Variants in AUTS2 observed in about 807,000 individuals in gnomAD.
AUTS2 encodes autism susceptibility gene 2 protein.
Under a neutral mutation model 112.4 loss-of-function variants are expected in AUTS2, and 17 were observed. That is an observed-to-expected ratio of 0.15 (90% CI 0.10 to 0.23). The LOEUF (loss-of-function observed/expected upper bound fraction) is 0.23, where lower values mean the gene tolerates loss of function less well. AUTS2 is among the 10% of genes least tolerant of loss of function. The pLI is 1.00. For synonymous variants in AUTS2, 751 were observed against 702.7 expected (o/e 1.07, Z -1.09); for missense variants, 1,510 against 1,701.6 (o/e 0.89, Z 1.98).
chr7:69,870,085 T>G (rs1038266015), intron 1 of AUTS2, among the ~76,000 whole-genome samples: 4 of 152,130 alleles, frequency 2.6e-5, no homozygotes, highest in Non-Finnish European at 4.4e-5. Flanking sequence ...TAACTTCTTT[T>G]TAGAATTCAA....
chr7:70,759,179 T>A (rs1367494174), intron 6 of AUTS2, among the ~76,000 whole-genome samples: 1 of 152,216 alleles, frequency 6.6e-6, no homozygotes, highest in Non-Finnish European at 1.5e-5. Context: ...AGACTTCTGC[T>A]TTTTAGGAGG....
intron 1 of AUTS2, among the ~76,000 whole-genome samples, chr7:69,821,009 A>T (rs1790966182): frequency 6.6e-6 from 1 of 152,176 alleles, no homozygotes; most frequent in African/African-American, 2.4e-5. Context: ...ATAACGTGAG[A>T]TTCTCAAGAG....
At chr7:70,734,069 C>T (rs1787623441) in intron 6 of AUTS2, among the ~76,000 whole-genome samples, 1 of 152,090 alleles carries the variant, frequency 6.6e-6, no homozygotes, top group Non-Finnish European at 1.5e-5. Flanking sequence ...GAGCAAGGGC[C>T]TTGATTCTCA....
At chr7:69,684,247 G>A (rs556265482) in intron 1 of AUTS2, among the ~76,000 whole-genome samples, 2 of 152,292 alleles carry the variant, frequency 1.3e-5, no homozygotes, top group Admixed American at 6.5e-5. Context: ...ATCCACATGT[G>A]AGGTAGACTG....
At chr7:70,741,806 G>A (rs1462795017) in intron 6 of AUTS2, among the ~76,000 whole-genome samples, 2 of 152,178 alleles carry the variant, frequency 1.3e-5, no homozygotes, top group Admixed American at 6.5e-5. Context: ...GGAGCCGGTG[G>A]TTATAGTGGC....
At position 69,811,321 on chromosome 7, in the gene AUTS2, A is replaced by G. The variant is rs959453052; in HGVS notation, c.310-87965A>G. Among the ~76,000 whole-genome samples the G allele has an allele frequency of 6.6e-5, 10 of 152,144 alleles. 1 individual carries two copies. The South Asian group carries it at 1.9e-3, about 29-fold the overall frequency. On this transcript the variant is annotated intron_variant, in intron 1 of 18. Transcript: ENST00000342771. ...TCTGTGGTCACCATATTGCATCACT[A>G]TGAGGTTTAAGATGAATGTGTGGGT...
intron 1 of AUTS2, among the ~76,000 whole-genome samples, chr7:69,857,335 A>T (rs1562931341): frequency 6.6e-6 from 1 of 152,164 alleles, no homozygotes; most frequent in Non-Finnish European, 1.5e-5. Context: ...CTGTTTTGAC[A>T]GTGTCGTACA....
chr7:70,543,849 T>C (rs1800659282), intron 5 of AUTS2, among the ~76,000 whole-genome samples: 1 of 152,216 alleles, frequency 6.6e-6, no homozygotes, highest in South Asian at 2.1e-4. Flanking sequence ...ATCGCCATTT[T>C]CTTTGCCTGG....
intron 4 of AUTS2, among the ~76,000 whole-genome samples, chr7:70,314,346 C>G (rs1455565907): frequency 1.3e-5 from 2 of 152,234 alleles, no homozygotes; most frequent in Non-Finnish European, 2.9e-5. Context: ...GTAATATCCA[C>G]CTGGATGTAA....
At chr7:70,372,481 A>T (rs1405413054) in intron 4 of AUTS2, among the ~76,000 whole-genome samples, 1 of 152,148 alleles carries the variant, frequency 6.6e-6, no homozygotes, top group Non-Finnish European at 1.5e-5. Context: ...GAGTAAATGG[A>T]AGCCTGGCAT....
intron 3 of AUTS2, among the ~76,000 whole-genome samples, chr7:70,129,903 G>A (rs201920098): frequency 2.4e-3 from 196 of 83,300 alleles, no homozygotes; most frequent in African/African-American, 0.011. Context: ...TATATATATT[G>A]TGTGTGTGTG....
intron 2 of AUTS2, among the ~76,000 whole-genome samples, chr7:70,034,733 A>G (rs191246719): frequency 5.8e-4 from 88 of 152,326 alleles, no homozygotes; most frequent in African/African-American, 2.0e-3. Flanking sequence ...TGGATGGATT[A>G]GCTTCCTTGT....
rs143564161 is a variant in AUTS2, at chr7:70,766,730, G to T, written c.1689+396G>T. On this transcript the variant is annotated intron_variant, in intron 9 of 18. Coordinates refer to ENST00000342771, the MANE Select transcript of AUTS2 (RefSeq NM_015570.4). This position sits in a 1 kb window ranked among gnomAD's most constrained non-coding sequence, Gnocchi z 4.8. Reference sequence around the variant, plus strand: ...CACATACATTCTTGCAGGGTAATGGGGGTGAAGAAGAGAGAAGAGAAGGGA... The same window carrying T: ...CACATACATTCTTGCAGGGTAATGGTGGTGAAGAAGAGAGAAGAGAAGGGA... Among the ~76,000 whole-genome samples, 688 of 152,336 alleles carry T rather than the reference G, an allele frequency of 4.5e-3. 7 individuals carry two copies. Among genetic ancestry groups the T allele is most frequent in the African/African-American group, 0.016 (654 of 41,574 alleles).
intron 4 of AUTS2, among the ~76,000 whole-genome samples, chr7:70,245,769 G>T (rs958539596): frequency 1.3e-5 from 2 of 152,022 alleles, no homozygotes; most frequent in Admixed American, 6.6e-5. Flanking sequence ...AGAATTGCTT[G>T]GGTTTAGGGT....
intron 4 of AUTS2, among the ~76,000 whole-genome samples, chr7:70,230,093 T>G (rs1811967610): frequency 6.6e-6 from 1 of 152,092 alleles, no homozygotes; most frequent in Non-Finnish European, 1.5e-5. Flanking sequence ...TCTATTGACT[T>G]TTTTTTCCTT....
chr7:69,617,042 TG>T (rs1793418195), intron 1 of AUTS2, among the ~76,000 whole-genome samples: 1 of 152,066 alleles, frequency 6.6e-6, no homozygotes, highest in Non-Finnish European at 1.5e-5. Flanking sequence ...TAACAAAGGA[TG>T]GGGGGACATA....
chr7:70,380,874 A>AT (rs1181787830), intron 4 of AUTS2, among the ~76,000 whole-genome samples: 1 of 152,266 alleles, frequency 6.6e-6, no homozygotes, highest in Non-Finnish European at 1.5e-5. Flanking sequence ...AGCCTGAAAT[A>AT]GAACAGCCTG....
intron 2 of AUTS2, among the ~76,000 whole-genome samples, chr7:70,045,784 CTTTTTTTTTT>C (rs746154629): frequency 2.3e-4 from 29 of 126,796 alleles, no homozygotes; most frequent in African/African-American, 8.2e-4. Flanking sequence ...AATTTTCTAC[CTTTTTTTTTT>C]TTTTTTTTTT....
intron 6 of AUTS2, among the ~76,000 whole-genome samples, chr7:70,744,377 G>C (rs1472460270): frequency 6.6e-6 from 1 of 152,080 alleles, no homozygotes; most frequent in African/African-American, 2.4e-5. Context: ...CTCGGTTTGG[G>C]GCCATTAGCT....
Sources: allele counts gnomAD v4.1 joint callset (sites outside exome capture counted in the v4.1 genomes callset), GRCh38; gene constraint gnomAD v4.1.1; non-coding constraint Gnocchi (gnomAD v3.1); transcripts MANE v1.5; gene names NCBI Gene and HGNC (gene_info 2026-07-23, HGNC 2026-07-21).